Variants in SLC9A9 observed in about 807,000 individuals in gnomAD.
SLC9A9 encodes the protein sodium/hydrogen exchanger 9.
In SLC9A9, 62 loss-of-function variants were observed where a neutral mutation model predicts 77.8. That is an observed-to-expected ratio of 0.80 (90% confidence interval 0.65 to 0.98). The LOEUF is 0.98. SLC9A9 is among the 50% of genes least tolerant of loss of function. The pLI, the probability that SLC9A9 is intolerant of heterozygous loss-of-function variation, is 0.00. For synonymous variants in SLC9A9, 320 were observed against 283.5 expected (o/e 1.13, Z -1.29); for missense variants, 775 against 774.9 (o/e 1.00, Z 0.00).
At chr3:143,744,034 C>A (rs901170010) in intron 4 of SLC9A9, among the ~76,000 whole-genome samples, 2 of 152,136 alleles carry the variant, frequency 1.3e-5, no homozygotes, top group African/African-American at 4.8e-5. Flanking sequence ...AGGTGACGAG[C>A]AGCTAATAGG....
At chr3:143,743,134 G>A (rs1228371466) in intron 4 of SLC9A9, among the ~76,000 whole-genome samples, 1 of 151,874 alleles carries the variant, frequency 6.6e-6, no homozygotes, top group Non-Finnish European at 1.5e-5. Context: ...GTAGGAAAGG[G>A]ACATCAGTAT....
intron 4 of SLC9A9, among the ~76,000 whole-genome samples, chr3:143,780,299 A>T (rs1441127225): frequency 2.0e-5 from 3 of 152,196 alleles, no homozygotes; most frequent in Non-Finnish European, 4.4e-5. Context: ...CCAATTAGTA[A>T]AAGGTGATGA....
intron 2 of SLC9A9, among the ~76,000 whole-genome samples, chr3:143,825,874 T>C (rs952261655): frequency 3.3e-5 from 5 of 150,592 alleles, no homozygotes; most frequent in African/African-American, 1.2e-4. Flanking sequence ...CACTGACCCT[T>C]CCAACTGAGT....
At chr3:143,524,611 A>G (rs1417962789) in intron 9 of SLC9A9, among the ~76,000 whole-genome samples, 1 of 152,198 alleles carries the variant, frequency 6.6e-6, no homozygotes, top group Non-Finnish European at 1.5e-5. Context: ...CAGACTTTCC[A>G]GAGCCCCTAT....
chr3:143,759,133 G>A (rs1447234178), intron 4 of SLC9A9, among the ~76,000 whole-genome samples: 1 of 152,024 alleles, frequency 6.6e-6, no homozygotes, highest in Non-Finnish European at 1.5e-5. Context: ...GAGAGAGAAA[G>A]GATTTACATG....
intron 5 of SLC9A9, among the ~76,000 whole-genome samples, chr3:143,654,641 A>T (rs2038858101): frequency 6.6e-6 from 1 of 152,208 alleles, no homozygotes; most frequent in Admixed American, 6.5e-5. Flanking sequence ...GAATAAAAGT[A>T]ACATTTTTTT....
intron 8 of SLC9A9, among the ~76,000 whole-genome samples, chr3:143,563,683 C>G (rs2037122963): frequency 6.6e-6 from 1 of 151,922 alleles, no homozygotes; most frequent in Non-Finnish European, 1.5e-5. Context: ...ATATAATTAC[C>G]CTTGTGGGCA....
intron 4 of SLC9A9, among the ~76,000 whole-genome samples, chr3:143,717,759 T>A (rs185097267): frequency 6.5e-4 from 99 of 152,336 alleles, no homozygotes; most frequent in African/African-American, 2.2e-3. Context: ...AAGGTGTTTT[T>A]TCTTCCAGTA....
chr3:143,549,758 C>T (rs916024364), intron 9 of SLC9A9, among the ~76,000 whole-genome samples: 2 of 152,100 alleles, frequency 1.3e-5, no homozygotes, highest in Non-Finnish European at 2.9e-5. Context: ...TGAAGTTCTG[C>T]TGAGCAGTCT....
At chr3:143,324,214 G>A (rs1180740980) in intron 14 of SLC9A9, among the ~76,000 whole-genome samples, 1 of 149,226 alleles carries the variant, frequency 6.7e-6, no homozygotes, top group African/African-American at 2.6e-5. Context: ...CACTGAATTA[G>A]TGGGAGCAAG....
intron 14 of SLC9A9, among the ~76,000 whole-genome samples, chr3:143,296,575 C>T (rs1578271064): frequency 1.3e-5 from 2 of 152,244 alleles, no homozygotes; most frequent in East Asian, 3.9e-4. Flanking sequence ...TGGGTATATA[C>T]CCAGAAGTGG....
chr3:143,294,938 T>C (rs1019413707), intron 14 of SLC9A9, among the ~76,000 whole-genome samples: 3 of 152,258 alleles, frequency 2.0e-5, no homozygotes, highest in African/African-American at 7.2e-5. Context: ...AAAATTTTTA[T>C]CTGCAAAATG....
At chr3:143,772,788 C>T (rs1253034835) in intron 4 of SLC9A9, among the ~76,000 whole-genome samples, 1 of 152,202 alleles carries the variant, frequency 6.6e-6, no homozygotes, top group East Asian at 1.9e-4. Flanking sequence ...GCCCAAAAGT[C>T]CCACCTGGAT....
chr3:143,342,338 C>A (rs75513699), intron 14 of SLC9A9: 4,485 of 152,280 alleles, frequency 0.029, 91 homozygotes, highest in Non-Finnish European at 0.046. Context: ...GCATGTGCTA[C>A]CATACCGAGC....
chr3:143,325,843 A>G lies in SLC9A9; in HGVS notation c.1604+37641T>C, dbSNP rs145676935. 2.4e-3 allele frequency among the ~76,000 whole-genome samples: 369 copies of G among 152,330 alleles called. 1 individual carries two copies. Among genetic ancestry groups the G allele is most frequent in the Admixed American group, 0.021 (327 of 15,296 alleles). Reference sequence around the variant, plus strand: ...CTGCCTCTAGGATCAGCTCAGGGCAAACAGAGGAGTGGATCAGACATCACT... The same window carrying G: ...CTGCCTCTAGGATCAGCTCAGGGCAGACAGAGGAGTGGATCAGACATCACT... On this transcript the variant is annotated intron_variant, in intron 14 of 15. Transcript: ENST00000316549.
chr3:143,660,594 T>C (rs1333529201), intron 5 of SLC9A9, among the ~76,000 whole-genome samples: 1 of 152,256 alleles, frequency 6.6e-6, no homozygotes, highest in African/African-American at 2.4e-5. Flanking sequence ...TGAGACAATA[T>C]GTTTGTGCTG....
At chr3:143,711,151 A>G (rs2108796350) in intron 4 of SLC9A9, among the ~76,000 whole-genome samples, 2 of 152,354 alleles carry the variant, frequency 1.3e-5, no homozygotes, top group Admixed American at 1.3e-4. Flanking sequence ...ACATAAATAT[A>G]TTTTTGAAAC....
intron 4 of SLC9A9, among the ~76,000 whole-genome samples, chr3:143,746,727 C>T (rs1054373723): frequency 6.6e-6 from 1 of 151,990 alleles, no homozygotes; most frequent in Non-Finnish European, 1.5e-5. Context: ...TTGCTGCCTG[C>T]CTATCAAAGA....
chr3:143,656,328 T>A (rs553205469), intron 5 of SLC9A9, among the ~76,000 whole-genome samples: 8 of 152,224 alleles, frequency 5.3e-5, no homozygotes, highest in Non-Finnish European at 1.2e-4. Context: ...GCATCAAAAC[T>A]AATCCTTTTT....
Sources: allele counts gnomAD v4.1 joint callset (sites outside exome capture counted in the v4.1 genomes callset), GRCh38; gene constraint gnomAD v4.1.1; transcripts MANE v1.5; gene names NCBI Gene and HGNC (gene_info 2026-07-23, HGNC 2026-07-21).